Variants in RAD50 observed in about 807,000 individuals in gnomAD.
RAD50 encodes RAD50 double strand break repair protein.
A neutral mutation model predicts 168.8 loss-of-function variants in RAD50; 132 were observed. That is an observed-to-expected ratio of 0.78 (90% CI 0.68 to 0.90). The LOEUF (loss-of-function observed/expected upper bound fraction) is 0.90. RAD50 is among the 40% of genes least tolerant of loss of function. RAD50 has a pLI of 0.00. For synonymous variants in RAD50, 525 were observed against 497.4 expected, an observed-to-expected ratio of 1.06 and a Z score of -0.74; for missense variants, 1,347 against 1,534.4, an observed-to-expected ratio of 0.88 and a Z score of 2.04.
chr5:132,579,708 A>T lies in RAD50; in HGVS notation c.552-154A>T, dbSNP rs373101608. On this transcript the variant is annotated intron_variant, in intron 4 of 24. Coordinates refer to ENST00000378823, the MANE Select transcript of RAD50 (RefSeq NM_005732.4). Reference sequence around the variant, plus strand: ...TTACCTGATTGACAGTATAAATGTAATTTTTTTCACTTACCATTATGTCAT... The same window carrying T: ...TTACCTGATTGACAGTATAAATGTATTTTTTTTCACTTACCATTATGTCAT... 4 of 866,754 alleles carry T rather than the reference A, an allele frequency of 4.6e-6. No individual in the cohort carries two copies. In the African/African-American group the frequency reaches 6.8e-5, roughly 15 times the overall value. 53.7% of individuals were successfully genotyped at this position (866,754 alleles called of 1,614,324 possible). A position where few individuals can be genotyped will look rare whatever the true frequency, so the allele number is the denominator to read the frequency against.
At chr5:132,616,871 G>GA (rs1001363185) in intron 20 of RAD50, among the ~76,000 whole-genome samples, 4 of 152,086 alleles carry the variant, frequency 2.6e-5, no homozygotes, top group African/African-American at 4.8e-5. Context: ...AAATCTGAAT[G>GA]AAAAAATGCC....
intron 19 of RAD50, among the ~76,000 whole-genome samples, chr5:132,615,474 G>A (rs1173110604): frequency 6.6e-6 from 1 of 152,130 alleles, no homozygotes; most frequent in Non-Finnish European, 1.5e-5. Flanking sequence ...AATGGTCTTG[G>A]TACATGTTGG....
intron 21 of RAD50, among the ~76,000 whole-genome samples, chr5:132,628,649 CAG>C (rs1194436912): frequency 2.0e-5 from 3 of 151,984 alleles, no homozygotes; most frequent in Non-Finnish European, 4.4e-5. Flanking sequence ...AGTTCGAGAC[CAG>C]CCTGACCAAC....
chr5:132,625,189 C>A lies in RAD50; in HGVS notation c.3389+6895C>A, dbSNP rs186530819. On this transcript the variant is annotated intron_variant, in intron 21 of 24. Coordinates refer to ENST00000378823, the MANE Select transcript of RAD50 (RefSeq NM_005732.4). Reference sequence around the variant, plus strand: ...GCAAGCTCCGCCTCCCGGGTTCACGCCATTCTCCTGCCTCAGCCTCCCAAG... The same window carrying A: ...GCAAGCTCCGCCTCCCGGGTTCACGACATTCTCCTGCCTCAGCCTCCCAAG... Among the ~76,000 whole-genome samples the A allele has an allele frequency of 2.1e-3, 316 of 150,436 alleles. 3 individuals are homozygous for A. The highest frequency in any genetic ancestry group is 6.7e-3 in the African/African-American group (278 of 41,186).
At chr5:132,585,591 CTTT>C (rs1207946233) in intron 5 of RAD50, among the ~76,000 whole-genome samples, 1,230 of 113,558 alleles carry the variant, frequency 0.011, 6 homozygotes, top group African/African-American at 0.037. Flanking sequence ...TGTGAGAGTT[CTTT>C]TTTTTTTTTT....
chr5:132,593,392 A>G (rs1029820775), intron 11 of RAD50: 2 of 152,380 alleles, frequency 1.3e-5, no homozygotes, highest in African/African-American at 4.8e-5. Context: ...TTTATAATAC[A>G]CATTTTCCAT....
rs771752930 is a variant in RAD50 at position 132,608,709 on chromosome 5, A to G, written c.2813A>G (p.Lys938Arg). Residue 938 changes from lysine (K) to arginine (R), a missense_variant, in exon 17 of 25, where the codon AAA becomes AGA. Transcript: ENST00000378823. ...ELINKKNTSNKIAQDKLNDIK... is the reference protein window; with the variant it reads ...ELINKKNTSNRIAQDKLNDIK... ...ATCAACAAAAAAAATACAAGCAACA[A>G]AATAGCACAGGATAAAGTAAGATTT... is the stretch of plus-strand genomic sequence containing the variant. 11 of 1,587,158 alleles carry G rather than the reference A, an allele frequency of 6.9e-6. No homozygotes were observed. The East Asian group carries it at 2.1e-4, about 30-fold the overall frequency.
intron 2 of RAD50, among the ~76,000 whole-genome samples, chr5:132,565,007 G>A (rs1750182919): frequency 6.6e-6 from 1 of 152,220 alleles, no homozygotes; most frequent in African/African-American, 2.4e-5. Flanking sequence ...AGGACTTGTT[G>A]CAGGAGGGAC....
intron 5 of RAD50, among the ~76,000 whole-genome samples, chr5:132,582,973 G>C (rs567038781): frequency 1.3e-5 from 2 of 152,310 alleles, no homozygotes; most frequent in South Asian, 4.1e-4. Flanking sequence ...TGTCATGAAA[G>C]ATCCAAGCCC....
chr5:132,631,546 C>A (rs554156505), intron 21 of RAD50, among the ~76,000 whole-genome samples: 5 of 152,220 alleles, frequency 3.3e-5, no homozygotes, highest in African/African-American at 1.2e-4. Context: ...CAGATGGCTA[C>A]TTGACCATAA....
rs1204855081 is a variant in RAD50, at chr5:132,644,013, AAC to A, written c.*1651_*1652del. ...GTTATCTGTTGCTAAATCAAAATTA[AAC>A]AGTCATCTTAACTGCAAAATAAAAC... On this transcript the variant is annotated 3_prime_UTR_variant, in exon 25 of 25. Coordinates refer to ENST00000378823, the MANE Select transcript of RAD50 (RefSeq NM_005732.4). 2 of 222,018 alleles carry A rather than the reference AAC, an allele frequency of 9.0e-6. No homozygotes were observed. The highest frequency in any genetic ancestry group is 2.2e-5 in the African/African-American group (1 of 44,812). The allele number at this position is 222,018 out of a possible 1,614,324, so 13.8% of individuals were successfully genotyped here.
At chr5:132,575,722 C>G in intron 2 of RAD50, 55 bp from the exon 3 acceptor site, 1 of 1,516,854 alleles carries the variant, frequency 6.6e-7, no homozygotes, top group Non-Finnish European at 9.2e-7. Flanking sequence ...TTTCTCAGAA[C>G]CAACACTGGT....
rs148531034 is a variant in RAD50 at position 132,595,611 on chromosome 5, A to G, written c.2008A>G (p.Ile670Val). The G allele has an allele frequency of 9.9e-6, 16 of 1,614,082 alleles. No individual in the cohort carries two copies. The highest frequency in any genetic ancestry group is 4.5e-5 in the East Asian group (2 of 44,888). ...AGCCACAGCAGTTTACTCCCAGTTC[A>G]TTACTCAGCTAACAGACGAAAACCA... ...AGATAVYSQF[I>V]TQLTDENQSC... is the part of the protein sequence containing the mutation. Residue 670 changes from isoleucine (I) to valine (V), a missense_variant, in exon 13 of 25, where the codon ATT becomes GTT. Ile to Val is a conservative substitution (Grantham distance 29, BLOSUM62 3). This residue lies in a region of RAD50 where 9 missense variants were observed against 27.5 expected (regional missense o/e 0.33). Coordinates refer to ENST00000378823, the MANE Select transcript of RAD50 (RefSeq NM_005732.4).
rs1229919059 is a variant in RAD50, at chr5:132,557,413, C to T, written c.89C>T (p.Pro30Leu). Residue 30 changes from proline to leucine, a missense_variant, in exon 1 of 25, where the codon CCC becomes CTC. Coordinates refer to ENST00000378823, the MANE Select transcript of RAD50 (RefSeq NM_005732.4). ...AAGCAAATTATCACTTTCTTCAGCC[C>T]CCTTACAATTTTGGTTGGACCCAAT... is the stretch of plus-strand genomic sequence containing the variant. ...KDKQIITFFS[P>L]LTILVGPNGA... is the part of the protein sequence containing the mutation. 1 of 1,614,182 alleles carries T rather than the reference C, an allele frequency of 6.2e-7. No homozygotes were observed.
chr5:132,604,556 T>G (rs1750947974), intron 15 of RAD50, among the ~76,000 whole-genome samples: 1 of 152,072 alleles, frequency 6.6e-6, no homozygotes, highest in African/African-American at 2.4e-5. Flanking sequence ...TGTGAGCCAG[T>G]GCGCCTGGCC....
chr5:132,566,531 G>A (rs547481074), intron 2 of RAD50, among the ~76,000 whole-genome samples: 4 of 152,226 alleles, frequency 2.6e-5, no homozygotes, highest in East Asian at 3.9e-4. Context: ...CCAGTTCAGC[G>A]ACTTCTTCCT....
chr5:132,597,184 G>A (rs1278951356), intron 13 of RAD50, among the ~76,000 whole-genome samples: 1 of 152,134 alleles, frequency 6.6e-6, no homozygotes, highest in Non-Finnish European at 1.5e-5. Context: ...GAGAGTGAAA[G>A]TGATTGTCCT....
chr5:132,619,929 G>A (rs1464728777), intron 21 of RAD50, among the ~76,000 whole-genome samples: 2 of 146,002 alleles, frequency 1.4e-5, no homozygotes, highest in Non-Finnish European at 3.0e-5. Flanking sequence ...TTTTGAGACG[G>A]AGTCTCACTC....
intron 2 of RAD50, among the ~76,000 whole-genome samples, chr5:132,561,403 G>A (rs1474670419): frequency 6.6e-6 from 1 of 152,088 alleles, no homozygotes; most frequent in Admixed American, 6.5e-5. Context: ...ATGTTGGCCA[G>A]GCTGGTCTCA....
Sources: gnomAD v4.1 joint callset for allele counts (sites outside exome capture counted in the v4.1 genomes callset) on GRCh38, gnomAD v4.1.1 for gene constraint, gnomAD v4.1.1 regional missense constraint, MANE v1.5 for transcripts, NCBI Gene and HGNC (gene_info 2026-07-23, HGNC 2026-07-21) for gene names.